ABI1: variants seen among roughly 807,000 people sequenced by gnomAD.
The protein encoded by ABI1 is Abelson interactor 1.
A neutral mutation model predicts 54.6 loss-of-function variants in ABI1; 14 were observed. The observed-to-expected ratio is 0.26, with a 90% CI of 0.17 to 0.40. The LOEUF is 0.40. Ranked by LOEUF, ABI1 falls within the 10% of genes least tolerant of loss-of-function variation. ABI1 has a pLI of 1.00. For synonymous variants in ABI1, 194 were observed against 209.3 expected (o/e 0.93, Z 0.63); for missense variants, 443 against 598.3 (o/e 0.74, Z 2.71).
intron 7 of ABI1, among the ~76,000 whole-genome samples, chr10:26,760,454 C>T (rs1588771193): frequency 1.3e-5 from 2 of 152,176 alleles, no homozygotes; most frequent in South Asian, 4.1e-4. Flanking sequence ...TTGGAACTCC[C>T]AAGTCATAGG....
At chr10:26,750,323 A>C (rs1464587615) in intron 10 of ABI1, among the ~76,000 whole-genome samples, 1 of 152,060 alleles carries the variant, frequency 6.6e-6, no homozygotes, top group Non-Finnish European at 1.5e-5. Flanking sequence ...GCAAAACCCC[A>C]TCTCTACTAA....
chr10:26,806,490 T>G (rs1327691573), intron 2 of ABI1, among the ~76,000 whole-genome samples: 3 of 152,148 alleles, frequency 2.0e-5, no homozygotes, highest in Non-Finnish European at 4.4e-5. Context: ...GTCACCAGGT[T>G]TGTGGGTGTC....
chr10:26,855,926 G>A (rs147558691), intron 1 of ABI1, among the ~76,000 whole-genome samples: 2,125 of 143,772 alleles, frequency 0.015, 52 homozygotes, highest in African/African-American at 0.053. Flanking sequence ...AGCTGAGATC[G>A]TGCCACCGCA....
chr10:26,777,394 CA>C lies in ABI1; in HGVS notation c.286-154del, dbSNP rs1841546277. 5.9e-5 allele frequency among the ~76,000 whole-genome samples: 9 copies of C among 152,166 alleles called. 1 individual carries two copies. Among genetic ancestry groups the C allele is most frequent in the Admixed American group, 5.9e-4 (9 of 15,284 alleles). ...CTATTAAATTATACTAGGCTAAAAG[CA>C]GAGAATATTTAGTGGTGGTTTAAAG... On this transcript the variant is annotated intron_variant, in intron 2 of 10. Transcript: ENST00000376140.
chr10:26,802,266 A>AT (rs1450293122), intron 2 of ABI1, among the ~76,000 whole-genome samples: 2 of 152,142 alleles, frequency 1.3e-5, no homozygotes, highest in East Asian at 1.9e-4. Context: ...GTAATTTAGG[A>AT]TTTTTTCCCT....
intron 1 of ABI1, among the ~76,000 whole-genome samples, chr10:26,831,684 T>C (rs888822699): frequency 1.3e-5 from 2 of 152,140 alleles, no homozygotes; most frequent in South Asian, 4.1e-4. Context: ...TCCTGACCCT[T>C]TTCTCCTTTC....
chr10:26,750,304 G>A (rs1339128604), intron 10 of ABI1, among the ~76,000 whole-genome samples: 1 of 152,186 alleles, frequency 6.6e-6, no homozygotes, highest in Non-Finnish European at 1.5e-5. Context: ...GACCAGCCTG[G>A]CCAACATGGC....
At chr10:26,820,408 A>C (rs561328461) in intron 2 of ABI1, among the ~76,000 whole-genome samples, 2 of 152,236 alleles carry the variant, frequency 1.3e-5, no homozygotes, top group Non-Finnish European at 2.9e-5. Flanking sequence ...TAAGAAATTA[A>C]ATTAGAAAAA....
chr10:26,761,653 T>TAC (rs1839216138), intron 7 of ABI1, among the ~76,000 whole-genome samples: 1 of 115,146 alleles, frequency 8.7e-6, no homozygotes, highest in African/African-American at 3.4e-5. Context: ...TATATATATA[T>TAC]ATATATATAC....
intron 2 of ABI1, among the ~76,000 whole-genome samples, chr10:26,781,369 T>C (rs1842080118): frequency 6.6e-6 from 1 of 152,214 alleles, no homozygotes; most frequent in African/African-American, 2.4e-5. Flanking sequence ...AGCAGCAGCT[T>C]CTCCCTTTGA....
Position 26,747,002 on chromosome 10 carries a change from C to T in ABI1, c.*1568G>A. The T allele has an allele frequency of 4.4e-6, 1 of 227,846 alleles. No individual in the cohort carries two copies. Among genetic ancestry groups the T allele is most frequent in the Non-Finnish European group, 8.7e-6 (1 of 114,386 alleles). The allele number at this position is 227,846 out of a possible 1,614,324, so 14.1% of individuals were successfully genotyped here. A position where few individuals can be genotyped will look rare whatever the true frequency, so the allele number is the denominator to read the frequency against. ...TTGAAAAATGGAAAGTAGAAGGTAG[C>T]TAGCTGATCACTAATGATACTTTGT... On this transcript the variant is annotated 3_prime_UTR_variant, in exon 11 of 11. Coordinates refer to ENST00000376140, the MANE Select transcript of ABI1 (RefSeq NM_001012750.3).
rs1421642232 is a variant in ABI1, at chr10:26,751,769, T to C, written c.1099A>G (p.Thr367Ala). 25 of 1,609,070 alleles carry C rather than the reference T, an allele frequency of 1.6e-5. No individual in the cohort carries two copies. Among genetic ancestry groups the C allele is most frequent in the South Asian group, 2.2e-5 (2 of 90,332 alleles). ...RVQENIADSP[T>A]PPPPPPPDDI... Reference sequence around the variant, plus strand: ...TCTGGTGGAGGTGGTGGCGGTGGAGTTGGACTATCAGCAACTAAAAAGATT... The same window carrying C: ...TCTGGTGGAGGTGGTGGCGGTGGAGCTGGACTATCAGCAACTAAAAAGATT... The change falls in exon 10 of 11, where the codon ACT becomes GCT. Residue 367 changes from threonine (T) to alanine (A), a missense_variant. Around this residue, in one of 2 missense-constraint regions of ABI1, gnomAD observed 394 missense variants for 484.8 expected, o/e 0.81. Coordinates refer to ENST00000376140, the MANE Select transcript of ABI1 (RefSeq NM_001012750.3).
chr10:26,823,170 T>C lies in ABI1; in HGVS notation c.253A>G (p.Arg85Gly). Residue 85 changes from arginine to glycine, a missense_variant, in exon 2 of 11, where the codon AGA (arginine) becomes GGA (glycine). Coordinates refer to ENST00000376140, the MANE Select transcript of ABI1 (RefSeq NM_001012750.3). ...ATATGATTGATGGAAGACTCCATTC[T>C]CCGAAGCTGAGAGGCTTGGATATCC... Reference protein sequence around the residue: ...LLDIQASQLRRMESSINHISQ... With the variant: ...LLDIQASQLRGMESSINHISQ... The C allele has an allele frequency of 6.3e-7, 1 of 1,599,322 alleles. No individual in the cohort carries two copies. Among genetic ancestry groups the C allele is most frequent in the South Asian group, 1.1e-5 (1 of 87,020 alleles).
chr10:26,783,919 C>A (rs183184494), intron 2 of ABI1, among the ~76,000 whole-genome samples: 77 of 152,208 alleles, frequency 5.1e-4, no homozygotes, highest in Admixed American at 2.3e-3. Context: ...CTGGCCCTTC[C>A]AGACAAAAGG....
In ABI1 at chr10:26,807,576, T is replaced by C. The variant is rs1161369697; in HGVS notation, c.285+15562A>G. 2.0e-5 allele frequency among the ~76,000 whole-genome samples: 3 copies of C among 152,352 alleles called. No homozygotes were observed. In the East Asian group the frequency reaches 5.8e-4, roughly 29 times the overall value. On this transcript the variant is annotated intron_variant, in intron 2 of 10. Transcript: ENST00000376140. ...AGCTGAAATCTTTGTTCAGTTCTTTTATCCTTGGCTGAGTTGCATGCAGTT... is the reference window on the plus strand; with the variant it reads ...AGCTGAAATCTTTGTTCAGTTCTTTCATCCTTGGCTGAGTTGCATGCAGTT...
At chr10:26,839,713 G>A in intron 1 of ABI1, 1 of 699,030 alleles carries the variant, frequency 1.4e-6, no homozygotes, top group South Asian at 1.5e-5. Flanking sequence ...TGCGTTGGGA[G>A]GTCAAGGTAG....
intron 1 of ABI1, among the ~76,000 whole-genome samples, chr10:26,832,098 A>G (rs1298054924): frequency 6.6e-6 from 1 of 152,214 alleles, no homozygotes; most frequent in Non-Finnish European, 1.5e-5. Context: ...AGGAAAAACA[A>G]CCAAATTCAC....
intron 1 of ABI1, among the ~76,000 whole-genome samples, chr10:26,845,960 T>G (rs1255729717): frequency 6.6e-6 from 1 of 151,988 alleles, no homozygotes; most frequent in African/African-American, 2.4e-5. Flanking sequence ...CTGGCCAACA[T>G]GGTGAAACCC....
chr10:26,816,701 CT>C (rs1012040564), intron 2 of ABI1, among the ~76,000 whole-genome samples: 15 of 152,014 alleles, frequency 9.9e-5, no homozygotes, highest in South Asian at 2.1e-4. Context: ...ATTAGCATAA[CT>C]TTTTTTTCAT....
Sources: gnomAD v4.1 joint callset for allele counts (sites outside exome capture counted in the v4.1 genomes callset) on GRCh38, gnomAD v4.1.1 for gene constraint, gnomAD v4.1.1 regional missense constraint, MANE v1.5 for transcripts, NCBI Gene and HGNC (gene_info 2026-07-23, HGNC 2026-07-21) for gene names.